The following TGM5 variants were observed in gnomAD, a reference collection of about 807,000 sequenced individuals.
The protein encoded by TGM5 is protein-glutamine gamma-glutamyltransferase 5.
Under a neutral mutation model 77.2 loss-of-function variants are expected in TGM5, and 69 were observed. That is an observed-to-expected ratio of 0.89 (90% CI 0.74 to 1.09). The LOEUF (loss-of-function observed/expected upper bound fraction) is 1.09. Ranked by LOEUF, TGM5 falls within the 50% of genes least tolerant of loss-of-function variation. The pLI, the probability that TGM5 is intolerant of heterozygous loss-of-function variation, is 0.00. For missense variants in TGM5, 842 were observed against 896.5 expected, an observed-to-expected ratio of 0.94 and a Z score of 0.78; for synonymous variants, 346 against 351.8, an observed-to-expected ratio of 0.98 and a Z score of 0.18.
intron 4 of TGM5, among the ~76,000 whole-genome samples, chr15:43,254,805 C>T (rs2042731721): frequency 6.6e-6 from 1 of 152,096 alleles, no homozygotes; most frequent in South Asian, 2.1e-4. Context: ...TCTCCTCTCC[C>T]AGGAAGCTTC....
intron 9 of TGM5, among the ~76,000 whole-genome samples, 179 bp from the exon 10 acceptor site, chr15:43,236,016 C>A (rs1405666901): frequency 1.3e-5 from 2 of 152,246 alleles, no homozygotes; most frequent in Admixed American, 6.5e-5. Context: ...CCACTTCACA[C>A]CCTTCCTCCT....
intron 6 of TGM5, among the ~76,000 whole-genome samples, chr15:43,244,942 G>A (rs958736687): frequency 6.6e-6 from 1 of 152,126 alleles, no homozygotes; most frequent in African/African-American, 2.4e-5. Context: ...AGTGGCACAT[G>A]CCTGTGGTCC....
intron 6 of TGM5, among the ~76,000 whole-genome samples, chr15:43,249,786 T>A (rs570861961): frequency 1.3e-5 from 2 of 152,326 alleles, no homozygotes; most frequent in South Asian, 4.1e-4. Context: ...ACTAAATGGA[T>A]GTGCAAAAAC....
At chr15:43,245,022 T>C (rs1195032475) in intron 6 of TGM5, among the ~76,000 whole-genome samples, 1 of 152,094 alleles carries the variant, frequency 6.6e-6, no homozygotes, top group East Asian at 1.9e-4. Flanking sequence ...TGAGCCATAA[T>C]GGCGCCACTG....
At chr15:43,246,849 G>C (rs911918912) in intron 6 of TGM5, among the ~76,000 whole-genome samples, 1 of 152,170 alleles carries the variant, frequency 6.6e-6, no homozygotes, top group Admixed American at 6.5e-5. Flanking sequence ...CATTTGATAA[G>C]AGTCTTCAGA....
intron 6 of TGM5, among the ~76,000 whole-genome samples, chr15:43,241,439 CT>C (rs1214289598): frequency 6.6e-6 from 1 of 152,190 alleles, no homozygotes; most frequent in Admixed American, 6.5e-5. Flanking sequence ...TATTCTGTGG[CT>C]TTGATTCCCC....
At chr15:43,262,964 T>G (rs1184135880) in intron 1 of TGM5, among the ~76,000 whole-genome samples, 1 of 152,226 alleles carries the variant, frequency 6.6e-6, no homozygotes, top group Non-Finnish European at 1.5e-5. Context: ...GACATAATCT[T>G]GTATATAGAA....
At chr15:43,265,929 T>C (rs1038931923) in intron 1 of TGM5, among the ~76,000 whole-genome samples, 1 of 152,118 alleles carries the variant, frequency 6.6e-6, no homozygotes, top group Admixed American at 6.5e-5. Flanking sequence ...AATCAAGTTG[T>C]AGAAATATAC....
intron 6 of TGM5, among the ~76,000 whole-genome samples, chr15:43,252,012 T>C (rs956511492): frequency 1.3e-5 from 2 of 152,250 alleles, no homozygotes; most frequent in African/African-American, 2.4e-5. Context: ...TCTGGCCCCA[T>C]GGCCCACACC....
At chr15:43,238,781 G>A (rs747621899) in intron 9 of TGM5, 36 bp downstream of exon 9, 1 of 1,611,370 alleles carries the variant, frequency 6.2e-7, no homozygotes, top group Non-Finnish European at 8.5e-7. Context: ...TTCCTGCAGG[G>A]CTGGGGCTCT....
chr15:43,253,063 G>A (rs1418144988), intron 5 of TGM5, 127 bp from the exon 6 acceptor site: 8 of 1,018,858 alleles, frequency 7.9e-6, no homozygotes, highest in Non-Finnish European at 1.2e-5. Context: ...TTTTACTGTG[G>A]ACTTCCAGAC....
chr15:43,234,665 G>A, intron 11 of TGM5, 104 bp downstream of exon 11: 2 of 1,417,212 alleles, frequency 1.4e-6, no homozygotes. Context: ...AAGGAAGGAG[G>A]GGATGCTCTC....
chr15:43,233,398 G>T (rs1342726176), intron 12 of TGM5, 54 bp from the exon 13 acceptor site: 1 of 1,611,318 alleles, frequency 6.2e-7, no homozygotes, highest in Non-Finnish European at 8.5e-7. Context: ...AATGACCCTG[G>T]AGCCCTTTTC....
intron 1 of TGM5, among the ~76,000 whole-genome samples, chr15:43,261,158 C>T (rs1355865971): frequency 2.1e-5 from 3 of 141,904 alleles, no homozygotes; most frequent in Non-Finnish European, 3.0e-5. Flanking sequence ...GGCACGATCT[C>T]GGCTCACTGC....
At chr15:43,241,084 A>G in intron 6 of TGM5, 94 bp from the exon 7 acceptor site, 3 of 1,528,870 alleles carry the variant, frequency 2.0e-6, no homozygotes, top group East Asian at 2.3e-5. Flanking sequence ...GAAATCTTCC[A>G]TTTGCCATCT....
In TGM5 at chr15:43,258,854, T is replaced by TGA. The variant is rs145440957; in HGVS notation, c.436+1196_436+1197dup. 9.3e-4 allele frequency among the ~76,000 whole-genome samples: 139 copies of TGA among 149,624 alleles called. 2 individuals are homozygous for TGA. Among genetic ancestry groups the TGA allele is most frequent in the South Asian group, 4.7e-3 (22 of 4,714 alleles). On this transcript the variant is annotated intron_variant, in intron 3 of 12. Coordinates refer to ENST00000220420, the MANE Select transcript of TGM5 (RefSeq NM_201631.4). ...TTTCTCCCCACTGCTCAGAAGGCCC[T>TGA]GAGAGAGAGAGAGAGAGAGATACGA...
chr15:43,233,591 C>T lies in TGM5; in HGVS notation c.1972G>A (p.Glu658Lys). 1 of 1,614,196 alleles carries T rather than the reference C, an allele frequency of 6.2e-7. No individual in the cohort carries two copies. The highest frequency in any genetic ancestry group is 8.5e-7 in the Non-Finnish European group (1 of 1,180,032). The stretch of plus-strand genomic sequence containing the variant: ...TGTTTCTTGAAGAGGCCACTTCCTT[C>T]CACAGTCAGCACACAGTCCTCAACC... ...EQVEDCVLTV[E>K]GSGLFKKQQK... The change falls in exon 12 of 13, where the codon GAA (glutamate) becomes AAA (lysine). Residue 658 changes from glutamate (E) to lysine (K), a missense_variant. Around this residue, in one of 2 missense-constraint regions of TGM5, gnomAD observed 815 missense variants for 844.6 expected, o/e 0.96. Coordinates refer to ENST00000220420, the MANE Select transcript of TGM5 (RefSeq NM_201631.4).
At chr15:43,254,293 C>CT (rs1472545730) in intron 4 of TGM5, among the ~76,000 whole-genome samples, 1 of 152,208 alleles carries the variant, frequency 6.6e-6, no homozygotes, top group African/African-American at 2.4e-5. Flanking sequence ...TCAAGTCTGT[C>CT]TTTTCCTGCC....
At position 43,256,600 on chromosome 15, in the gene TGM5, A is replaced by G. The variant is rs1346639377; in HGVS notation, c.523T>C (p.Trp175Arg). Residue 175 changes from tryptophan to arginine, a missense_variant, in exon 4 of 13, where the codon TGG becomes CGG. Coordinates refer to ENST00000220420, the MANE Select transcript of TGM5 (RefSeq NM_201631.4). ...TAGTTCCAGGGACATGGGCGGATCC[A>G]GTTCTTGCTGCCTTGGTAGATGAAG... ...YGFIYQGSKNWIRPCPWNYGQ... is the reference protein window; with the variant it reads ...YGFIYQGSKNRIRPCPWNYGQ... 6.2e-7 allele frequency: 1 copy of G among 1,614,048 alleles called. No homozygotes were observed. Among genetic ancestry groups the G allele is most frequent in the Non-Finnish European group, 8.5e-7 (1 of 1,180,012 alleles).
Sources: allele counts gnomAD v4.1 joint callset (sites outside exome capture counted in the v4.1 genomes callset), GRCh38; gene constraint gnomAD v4.1.1; regional missense constraint gnomAD v4.1.1; transcripts MANE v1.5; gene names NCBI Gene and HGNC (gene_info 2026-07-23, HGNC 2026-07-21).